C7: variants seen among roughly 807,000 people sequenced by gnomAD.
C7 encodes the protein complement component C7.
A neutral mutation model predicts 104.8 loss-of-function variants in C7; 83 were observed. The observed-to-expected ratio is 0.79, with a 90% CI of 0.66 to 0.95. C7 has a LOEUF of 0.95. Among genes scored for constraint, C7 ranks in the 40% least tolerant of loss-of-function variants. The pLI is 0.00. For synonymous variants in C7, 415 were observed against 360.6 expected (o/e 1.15, Z -1.71); for missense variants, 1,070 against 1,011.2 (o/e 1.06, Z -0.79).
chr5:40,944,917 A>G (rs1244487206), intron 6 of C7, among the ~76,000 whole-genome samples: 1 of 152,180 alleles, frequency 6.6e-6, no homozygotes, highest in African/African-American at 2.4e-5. Context: ...TTCTGGGCCA[A>G]ATGCTGACAT....
chr5:40,923,562 A>G (rs1739486670), intron 1 of C7, among the ~76,000 whole-genome samples: 1 of 152,168 alleles, frequency 6.6e-6, no homozygotes, highest in Non-Finnish European at 1.5e-5. Context: ...CCTGGCCAAC[A>G]TGGTGAAACC....
intron 1 of C7, among the ~76,000 whole-genome samples, chr5:40,917,244 C>A (rs1425145490): frequency 6.6e-6 from 1 of 152,010 alleles, no homozygotes; most frequent in Non-Finnish European, 1.5e-5. Context: ...GTTTTGTAAC[C>A]TTTGACCAAC....
intron 3 of C7, among the ~76,000 whole-genome samples, chr5:40,931,905 C>T (rs1481770509): frequency 7.9e-5 from 12 of 152,124 alleles, no homozygotes; most frequent in South Asian, 2.1e-4. Context: ...ACTACAGGCA[C>T]GTGCCACTAC....
intron 6 of C7, among the ~76,000 whole-genome samples, chr5:40,940,990 T>A (rs1739923719): frequency 2.0e-5 from 3 of 151,968 alleles, no homozygotes; most frequent in Admixed American, 2.0e-4. Flanking sequence ...GTATATCGTG[T>A]CTCATTCTAT....
At chr5:40,925,351 C>T (rs1739530278) in intron 1 of C7, among the ~76,000 whole-genome samples, 1 of 152,194 alleles carries the variant, frequency 6.6e-6, no homozygotes, top group Non-Finnish European at 1.5e-5. Context: ...GTGACTTTTG[C>T]TCTAATTCCC....
At chr5:40,969,771 C>CT (rs111461782) in intron 14 of C7, among the ~76,000 whole-genome samples, 62 of 146,016 alleles carry the variant, frequency 4.2e-4, no homozygotes, top group African/African-American at 6.7e-4. Flanking sequence ...AGCATATTTT[C>CT]TTTTTTTTTT....
intron 16 of C7, among the ~76,000 whole-genome samples, chr5:40,978,661 GAACTA>G (rs1239670881): frequency 6.6e-6 from 1 of 152,016 alleles, no homozygotes; most frequent in Non-Finnish European, 1.5e-5. Context: ...GAAAATATTA[GAACTA>G]AATAAAGTGT....
chr5:40,915,344 T>A (rs779241678), intron 1 of C7, among the ~76,000 whole-genome samples: 4 of 152,006 alleles, frequency 2.6e-5, no homozygotes, highest in Admixed American at 6.6e-5. Flanking sequence ...GTGGCGCAAT[T>A]TTGAAGTGGA....
At position 40,958,141 on chromosome 5, in the gene C7, T is replaced by G; in HGVS notation, c.1369T>G (p.Cys457Gly). The change falls in exon 11 of 18, where the codon TGC becomes GGC. Residue 457 changes from cysteine (C) to glycine (G), a missense_variant. Transcript: ENST00000313164. ...TCTGGATGAATTTGACCCCTGTCATTGCCGGCCTTGTCAAAATGGTGGTTT... is the reference window on the plus strand; with the variant it reads ...TCTGGATGAATTTGACCCCTGTCATGGCCGGCCTTGTCAAAATGGTGGTTT... Reference protein sequence around the residue: ...EYLDEFDPCHCRPCQNGGLAT... With the variant: ...EYLDEFDPCHGRPCQNGGLAT... The G allele has an allele frequency of 6.2e-7, 1 of 1,613,914 alleles. No homozygotes were observed. Among genetic ancestry groups the G allele is most frequent in the Non-Finnish European group, 8.5e-7 (1 of 1,179,804 alleles).
intron 1 of C7, among the ~76,000 whole-genome samples, chr5:40,924,347 C>T (rs1342077391): frequency 1.3e-5 from 2 of 152,206 alleles, no homozygotes; most frequent in Admixed American, 6.5e-5. Context: ...AGCTCCACTC[C>T]ACCTCTTGGG....
chr5:40,961,925 A>G (rs1054012838), intron 12 of C7, among the ~76,000 whole-genome samples, 160 bp from the exon 13 acceptor site: 1 of 152,198 alleles, frequency 6.6e-6, no homozygotes, highest in Non-Finnish European at 1.5e-5. Flanking sequence ...CTACCACAGG[A>G]TGTAAGCAGA....
chr5:40,909,632 C>T lies in C7; in HGVS notation c.6+16C>T, dbSNP rs758008310. On this transcript the variant is annotated intron_variant, in intron 1 of 17. Transcript: ENST00000313164. ...AAACATGAAGGTAAGACAATAAATT[C>T]ATTACTTTTGTAAATGAAGCTATCT... 101 of 1,517,512 alleles carry T rather than the reference C, an allele frequency of 6.7e-5. No individual in the cohort carries two copies. The highest frequency in any genetic ancestry group is 8.3e-5 in the Non-Finnish European group (92 of 1,114,252). 94.0% of individuals were successfully genotyped at this position (1,517,512 alleles called of 1,614,324 possible).
At chr5:40,955,633 T>C in intron 10 of C7, 80 bp downstream of exon 10, 1 of 1,310,768 alleles carries the variant, frequency 7.6e-7, no homozygotes, top group Admixed American at 2.1e-5. Context: ...TAAATCAAGA[T>C]GGTTAAACAG....
At chr5:40,915,021 G>T (rs1050060930) in intron 1 of C7, among the ~76,000 whole-genome samples, 1 of 152,108 alleles carries the variant, frequency 6.6e-6, no homozygotes, top group African/African-American at 2.4e-5. Context: ...GCAACCCCAA[G>T]AAATAGCATC....
rs970272874 is a variant in C7, at chr5:40,983,324, G to T, written c.*1751G>T. On this transcript the variant is annotated 3_prime_UTR_variant, in exon 18 of 18. Coordinates refer to ENST00000313164, the MANE Select transcript of C7 (RefSeq NM_000587.4). Reference sequence around the variant, plus strand: ...CTTAGCTTAAGCTAGTATGGAGTTAGATTCCTACCGCTTATGTATCACCAT... The same window carrying T: ...CTTAGCTTAAGCTAGTATGGAGTTATATTCCTACCGCTTATGTATCACCAT... 6.6e-6 allele frequency among the ~76,000 whole-genome samples: 1 copy of T among 152,174 alleles called. No individual in the cohort carries two copies. The highest frequency in any genetic ancestry group is 1.5e-5 in the Non-Finnish European group (1 of 68,050).
intron 1 of C7, among the ~76,000 whole-genome samples, chr5:40,922,039 A>G (rs1049149006): frequency 7.3e-6 from 1 of 137,672 alleles, no homozygotes; most frequent in African/African-American, 2.5e-5. Flanking sequence ...CTCTGTCTCA[A>G]AAACAAACAA....
chr5:40,944,315 T>A (rs1740002238), intron 6 of C7, among the ~76,000 whole-genome samples: 1 of 152,224 alleles, frequency 6.6e-6, no homozygotes, highest in African/African-American at 2.4e-5. Flanking sequence ...TGTCTATAAC[T>A]TTAACAAATC....
At position 40,916,462 on chromosome 5, in the gene C7, A is replaced by G. The variant is rs12332341; in HGVS notation, c.6+6846A>G. Among the ~76,000 whole-genome samples the G allele has an allele frequency of 7.4e-3, 1,133 of 152,264 alleles. 18 individuals are homozygous for G. The highest frequency in any genetic ancestry group is 0.026 in the African/African-American group (1,088 of 41,536). ...GCTTGGTTTCTTTTTAAAATCAGCC[A>G]TTTGCACTGCTACTTCATTCAGGTT... is the stretch of plus-strand genomic sequence containing the variant. On this transcript the variant is annotated intron_variant, in intron 1 of 17. Transcript: ENST00000313164.
chr5:40,962,473 C>G (rs898748901), intron 13 of C7, among the ~76,000 whole-genome samples: 7 of 152,148 alleles, frequency 4.6e-5, no homozygotes, highest in Non-Finnish European at 1.0e-4. Flanking sequence ...CACCAAACTG[C>G]GAATCTACAA....
Sources: gnomAD v4.1 joint callset for allele counts (sites outside exome capture counted in the v4.1 genomes callset) on GRCh38, gnomAD v4.1.1 for gene constraint, MANE v1.5 for transcripts, NCBI Gene and HGNC (gene_info 2026-07-23, HGNC 2026-07-21) for gene names.